Variants in LDLRAD4 observed in about 807,000 individuals in gnomAD.
LDLRAD4 encodes low-density lipoprotein receptor class A domain-containing protein 4.
In LDLRAD4, 5 loss-of-function variants were observed where a neutral mutation model predicts 17.0. The ratio of observed to expected loss-of-function variants is 0.29; its 90% confidence interval spans 0.15 to 0.62. The LOEUF is 0.62. Among genes scored for constraint, LDLRAD4 ranks in the 20% least tolerant of loss-of-function variants. LDLRAD4 has a pLI of 0.84. For synonymous variants in LDLRAD4, 168 were observed against 171.8 expected (o/e 0.98, Z 0.17); for missense variants, 340 against 424.7 (o/e 0.80, Z 1.75).
rs144325561 is a variant in LDLRAD4 at position 13,621,241 on chromosome 18, G to C, written c.306G>C (p.Gln102His). 1.7e-4 allele frequency: 275 copies of C among 1,613,580 alleles called. No individual in the cohort carries two copies. In the African/African-American group the frequency reaches 3.4e-3, roughly 20 times the overall value. Residue 102 changes from glutamine (Q) to histidine (H), a missense_variant, in exon 4 of 6, where the codon CAG becomes CAC. Gln to His is a conservative substitution (Grantham distance 24). Coordinates refer to ENST00000359446, the Ensembl canonical transcript of LDLRAD4. This position sits in a 1 kb window ranked among gnomAD's most constrained non-coding sequence, Gnocchi z 5.5. ...GGTCCTTCATCAACCGCCCGAACCAGAGCCGGAGGCGGGAGGACGGGCTGC... is the reference window on the plus strand; with the variant it reads ...GGTCCTTCATCAACCGCCCGAACCACAGCCGGAGGCGGGAGGACGGGCTGC...
intron 1 of LDLRAD4, among the ~76,000 whole-genome samples, chr18:13,262,437 T>TGGG: frequency 7.5e-6 from 1 of 132,730 alleles, no homozygotes; most frequent in African/African-American, 3.0e-5. Context: ...GCCCTGTGCG[T>TGGG]GGAAACTGAG....
At chr18:13,526,686 G>A (rs1248188256) in intron 3 of LDLRAD4, 1 of 152,256 alleles carries the variant, frequency 6.6e-6, no homozygotes, top group Non-Finnish European at 1.5e-5. Flanking sequence ...AATGTAGAAA[G>A]CACTTGCCAT....
intron 3 of LDLRAD4, among the ~76,000 whole-genome samples, chr18:13,499,064 C>T (rs2093555464): frequency 6.7e-6 from 1 of 149,360 alleles, no homozygotes; most frequent in Admixed American, 6.7e-5. Context: ...GAGAATCCTT[C>T]TCGCCATACA....
chr18:13,543,012 T>C (rs1294175554), intron 3 of LDLRAD4: 1 of 152,210 alleles, frequency 6.6e-6, no homozygotes, highest in East Asian at 1.9e-4. Context: ...GTCCCATCTT[T>C]TTACAGGCAT....
chr18:13,442,687 G>A (rs772532418), intron 3 of LDLRAD4, among the ~76,000 whole-genome samples: 7 of 152,216 alleles, frequency 4.6e-5, no homozygotes, highest in South Asian at 2.1e-4. Context: ...AGCCAAGCAC[G>A]TCCTGTGGTG....
At chr18:13,254,922 C>T (rs1392874070) in intron 1 of LDLRAD4, among the ~76,000 whole-genome samples, 1 of 152,158 alleles carries the variant, frequency 6.6e-6, no homozygotes, top group Non-Finnish European at 1.5e-5. Flanking sequence ...TGAGATGGTT[C>T]CACTACACCC....
intron 3 of LDLRAD4, among the ~76,000 whole-genome samples, chr18:13,619,950 C>T (rs2040457649): frequency 6.6e-6 from 1 of 151,992 alleles, no homozygotes; most frequent in South Asian, 2.1e-4. Context: ...GTCCCACTGC[C>T]CTCCACTCCC....
chr18:13,556,758 C>T (rs760787505), intron 3 of LDLRAD4, among the ~76,000 whole-genome samples: 1 of 152,108 alleles, frequency 6.6e-6, no homozygotes, highest in Non-Finnish European at 1.5e-5. Flanking sequence ...TTGTCCTTGT[C>T]CTTGTGCATC....
intron 1 of LDLRAD4, among the ~76,000 whole-genome samples, chr18:13,260,649 C>T (rs916030967): frequency 6.6e-6 from 1 of 152,168 alleles, no homozygotes; most frequent in African/African-American, 2.4e-5. Flanking sequence ...TTTATTGTTG[C>T]TATTCTTTCT....
intron 3 of LDLRAD4, among the ~76,000 whole-genome samples, chr18:13,447,484 G>GT (rs2091494113): frequency 6.6e-6 from 1 of 152,232 alleles, no homozygotes; most frequent in Admixed American, 6.5e-5. Context: ...GGGAGGGTAA[G>GT]TTTTAATAAA....
chr18:13,606,758 G>T (rs7235751), intron 3 of LDLRAD4, among the ~76,000 whole-genome samples: 4,089 of 152,234 alleles, frequency 0.027, 104 homozygotes, highest in African/African-American at 0.07. Context: ...TGTTTCTAAA[G>T]GCCAAATTCC....
chr18:13,405,326 T>C, intron 2 of LDLRAD4, among the ~76,000 whole-genome samples: 1 of 152,168 alleles, frequency 6.6e-6, no homozygotes, highest in East Asian at 1.9e-4. Context: ...AGTTGGACTT[T>C]CTACCCAGGT....
At chr18:13,342,972 T>G (rs1221686786) in intron 1 of LDLRAD4, among the ~76,000 whole-genome samples, 2 of 152,154 alleles carry the variant, frequency 1.3e-5, no homozygotes, top group Non-Finnish European at 2.9e-5. Context: ...TTTTCTGTAA[T>G]GACATGTTTT....
At chr18:13,357,891 A>G (rs2083439236) in intron 1 of LDLRAD4, among the ~76,000 whole-genome samples, 1 of 152,200 alleles carries the variant, frequency 6.6e-6, no homozygotes, top group African/African-American at 2.4e-5. Context: ...ACATATAATT[A>G]TGAACTCATG....
intron 3 of LDLRAD4, among the ~76,000 whole-genome samples, chr18:13,618,786 A>C (rs1356595224): frequency 2.0e-5 from 3 of 152,250 alleles, no homozygotes; most frequent in Non-Finnish European, 1.5e-5. Context: ...ATGTGACCTT[A>C]TTTCTGCTCA....
intron 2 of LDLRAD4, among the ~76,000 whole-genome samples, chr18:13,415,553 G>C (rs1600098655): frequency 1.3e-5 from 2 of 152,190 alleles, no homozygotes; most frequent in South Asian, 4.1e-4. Context: ...GGTGGTTAGG[G>C]CTGTCTGAGG....
chr18:13,612,365 G>A, intron 3 of LDLRAD4: 1 of 1,159,216 alleles, frequency 8.6e-7, no homozygotes, highest in Non-Finnish European at 1.1e-6. Context: ...GGAGACCCCG[G>A]ACTTATTCTC....
chr18:13,540,261 C>T (rs796825854), intron 3 of LDLRAD4, among the ~76,000 whole-genome samples: 1 of 152,182 alleles, frequency 6.6e-6, no homozygotes, highest in Non-Finnish European at 1.5e-5. Flanking sequence ...CCCCGTAATT[C>T]TTTGTTTAGT....
intron 4 of LDLRAD4, among the ~76,000 whole-genome samples, chr18:13,639,701 A>C (rs561456729): frequency 6.6e-6 from 1 of 152,330 alleles, no homozygotes; most frequent in South Asian, 2.1e-4. Flanking sequence ...TGTTGTAGTT[A>C]TAATGTCCCC....
Sources: gnomAD v4.1 joint callset for allele counts (sites outside exome capture counted in the v4.1 genomes callset) on GRCh38, gnomAD v4.1.1 for gene constraint, Gnocchi (gnomAD v3.1) non-coding constraint, MANE v1.5 for transcripts, NCBI Gene and HGNC (gene_info 2026-07-23, HGNC 2026-07-21) for gene names.